NFATC1: variants seen among roughly 807,000 people sequenced by gnomAD.
NFATC1 encodes the protein nuclear factor of activated T cells 1, also known as nuclear factor of activated T-cells, cytoplasmic 1.
NFATC1 carries 22 observed loss-of-function variants against 76.0 expected under a neutral mutation model. The ratio of observed to expected loss-of-function variants is 0.29; its 90% CI spans 0.21 to 0.41. NFATC1 has a LOEUF of 0.41. NFATC1 is among the 10% of genes least tolerant of loss of function. The pLI, the probability that NFATC1 is intolerant of heterozygous loss-of-function variation, is 1.00. For synonymous variants in NFATC1, 704 were observed against 613.1 expected, an observed-to-expected ratio of 1.15 and a Z score of -2.19; for missense variants, 1,357 against 1,337.7, an observed-to-expected ratio of 1.01 and a Z score of -0.23.
intron 9 of NFATC1, among the ~76,000 whole-genome samples, chr18:79,522,400 T>G: frequency 1.4e-5 from 1 of 71,634 alleles, no homozygotes; most frequent in African/African-American, 6.1e-5. Context: ...GTCCACGGAT[T>G]GTGTCTGGGT....
At chr18:79,508,552 GC>G (rs2090170233) in intron 9 of NFATC1, among the ~76,000 whole-genome samples, 1 of 152,104 alleles carries the variant, frequency 6.6e-6, no homozygotes, top group Non-Finnish European at 1.5e-5. Context: ...GTGCTCGAAG[GC>G]TCATAAACGC....
At chr18:79,464,694 ATTTATT>A (rs1237539964) in intron 7 of NFATC1, among the ~76,000 whole-genome samples, 14 of 106,690 alleles carry the variant, frequency 1.3e-4, no homozygotes, top group African/African-American at 6.8e-4. Flanking sequence ...ATATATATAT[ATTTATT>A]TATTTATTTA....
chr18:79,424,919 GTCTC>G (rs1179945589), intron 2 of NFATC1, among the ~76,000 whole-genome samples: 2 of 123,046 alleles, frequency 1.6e-5, no homozygotes, highest in African/African-American at 5.8e-5. Flanking sequence ...CTGTCGCTCT[GTCTC>G]TCTGTGTCTC....
At chr18:79,427,391 GTTGGGGGGAGCTGGA>G (rs1568947765) in intron 2 of NFATC1, among the ~76,000 whole-genome samples, 1 of 124,600 alleles carries the variant, frequency 8.0e-6, no homozygotes, top group African/African-American at 4.1e-5. Flanking sequence ...TGTGCAGTGG[GTTGGGGGGAGCTGGA>G]TGGCTGGCCT....
Position 79,460,109 on chromosome 18 carries a change from C to T in NFATC1, c.1904-1202C>T, listed in dbSNP as rs187331551. 4.6e-5 allele frequency among the ~76,000 whole-genome samples: 7 copies of T among 152,268 alleles called. 1 individual carries two copies. The South Asian group carries it at 8.3e-4, about 18-fold the overall frequency. ...ATTTGCGTGGGGACCTCGGGCCTCC[C>T]GGGCTGGCATGGCCAGGGCTTGGCT... is the stretch of plus-strand genomic sequence containing the variant. On this transcript the variant is annotated intron_variant, in intron 6 of 9. Coordinates refer to ENST00000427363, the MANE Select transcript of NFATC1 (RefSeq NM_001278669.2).
In NFATC1 at chr18:79,433,588, G is replaced by A; in HGVS notation, c.1236G>A (p.Leu412=). 6.2e-7 allele frequency: 1 copy of A among 1,613,076 alleles called. No homozygotes were observed. Among genetic ancestry groups the A allele is most frequent in the Non-Finnish European group, 8.5e-7 (1 of 1,179,908 alleles). ...CTCTGTTCCCTTCCAGCCCGACCCT[G>A]CCCGCCCTGGACTGGCAGCTGCCGT... is the stretch of plus-strand genomic sequence containing the variant. ...LSPTSYMSPT[L]PALDWQLPSH... Residue 412 remains leucine (L), a synonymous_variant, in exon 3 of 10, where the codon CTG becomes CTA. Transcript: ENST00000427363.
intron 9 of NFATC1, among the ~76,000 whole-genome samples, chr18:79,519,164 G>A (rs1336225213): frequency 3.9e-5 from 6 of 152,130 alleles, no homozygotes; most frequent in African/African-American, 1.2e-4. Context: ...ACAGATCTCC[G>A]AACCATGGTT....
intron 8 of NFATC1, among the ~76,000 whole-genome samples, chr18:79,475,696 G>T (rs1360939226): frequency 6.6e-6 from 1 of 152,252 alleles, no homozygotes; most frequent in African/African-American, 2.4e-5. Flanking sequence ...GCTGTGGGGT[G>T]CTGGCCCCAC....
In NFATC1 at chr18:79,529,117, C is replaced by T. The variant is rs1205879691; in HGVS notation, c.*1540C>T. ...GTGTCTCACTCACGGAAAGAAACAACCTGAAGGCCATCCCGTCGGTCTGCA... is the reference window on the plus strand; with the variant it reads ...GTGTCTCACTCACGGAAAGAAACAATCTGAAGGCCATCCCGTCGGTCTGCA... On this transcript the variant is annotated 3_prime_UTR_variant, in exon 10 of 10. Coordinates refer to ENST00000427363, the MANE Select transcript of NFATC1 (RefSeq NM_001278669.2). 1 of 152,272 alleles carries T rather than the reference C, an allele frequency of 6.6e-6. No individual in the cohort carries two copies. Among genetic ancestry groups the T allele is most frequent in the Non-Finnish European group, 1.5e-5 (1 of 68,064 alleles). The allele number at this position is 152,272 out of a possible 1,614,324, so 9.4% of individuals were successfully genotyped here.
chr18:79,520,774 TGTG>T (rs1242049288), intron 9 of NFATC1, among the ~76,000 whole-genome samples: 3 of 58,126 alleles, frequency 5.2e-5, no homozygotes, highest in Non-Finnish European at 9.1e-5. Context: ...CATCCACTGA[TGTG>T]TGTGTGTGTG....
intron 9 of NFATC1, among the ~76,000 whole-genome samples, chr18:79,489,729 C>T (rs1037219447): frequency 3.3e-5 from 5 of 152,202 alleles, no homozygotes; most frequent in South Asian, 2.1e-4. Context: ...CGTCCACGTA[C>T]GCTTCGTCAG....
At chr18:79,424,629 G>GTCTGTCTC (rs2086222268) in intron 2 of NFATC1, among the ~76,000 whole-genome samples, 1 of 139,308 alleles carries the variant, frequency 7.2e-6, no homozygotes, top group Non-Finnish European at 1.6e-5. Flanking sequence ...CTGTCTCTCC[G>GTCTGTCTC]TCTGTCTCTC....
chr18:79,519,678 G>A (rs1406504302), intron 9 of NFATC1, among the ~76,000 whole-genome samples: 1 of 152,122 alleles, frequency 6.6e-6, no homozygotes. Context: ...TTTTTTTTAT[G>A]TTGTTTCTGC....
At chr18:79,475,423 A>T in intron 8 of NFATC1, among the ~76,000 whole-genome samples, 2 of 144,418 alleles carry the variant, frequency 1.4e-5, no homozygotes, top group Admixed American at 6.9e-5. Context: ...GACGTTGTAA[A>T]CCCGAGGGAA....
chr18:79,473,863 T>C (rs2088899126), intron 8 of NFATC1, among the ~76,000 whole-genome samples: 1 of 145,120 alleles, frequency 6.9e-6, no homozygotes, highest in African/African-American at 2.6e-5. Context: ...GTCAACGTTG[T>C]AAACCTGAGG....
chr18:79,481,958 C>A (rs1395611127), intron 8 of NFATC1, among the ~76,000 whole-genome samples: 4 of 141,502 alleles, frequency 2.8e-5, no homozygotes, highest in Non-Finnish European at 4.6e-5. Context: ...CCAGCATGAC[C>A]TGGTTCCTGG....
At chr18:79,470,321 T>A (rs1165371764) in intron 8 of NFATC1, 1 of 152,022 alleles carries the variant, frequency 6.6e-6, no homozygotes, top group Non-Finnish European at 1.5e-5. Context: ...CATCATGGGG[T>A]CGTTAGCAGT....
intron 9 of NFATC1, among the ~76,000 whole-genome samples, chr18:79,493,241 TG>T (rs1249989413): frequency 2.0e-5 from 3 of 152,220 alleles, no homozygotes; most frequent in Non-Finnish European, 4.4e-5. Flanking sequence ...GGACTCGCGG[TG>T]GATTACGCGT....
intron 9 of NFATC1, among the ~76,000 whole-genome samples, chr18:79,503,169 T>C (rs7234252): frequency 0.059 from 9,057 of 152,306 alleles, 396 homozygotes; most frequent in Admixed American, 0.096. Context: ...AGGACTCAGG[T>C]GAACCTGGAA....
Sources: gnomAD v4.1 joint callset for allele counts (sites outside exome capture counted in the v4.1 genomes callset) on GRCh38, gnomAD v4.1.1 for gene constraint, MANE v1.5 for transcripts, NCBI Gene and HGNC (gene_info 2026-07-23, HGNC 2026-07-21) for gene names.